The following KDM7A variants were observed in gnomAD, a reference collection of about 807,000 sequenced individuals.
KDM7A encodes the protein lysine-specific demethylase 7A.
KDM7A carries 28 observed loss-of-function variants against 114.8 expected under a neutral mutation model. The observed-to-expected ratio is 0.24, with a 90% CI of 0.18 to 0.33. The LOEUF (loss-of-function observed/expected upper bound fraction) is 0.33. Among genes scored for constraint, KDM7A ranks in the 10% least tolerant of loss-of-function variants. The pLI, the probability that KDM7A is intolerant of heterozygous loss-of-function variation, is 1.00. For missense variants in KDM7A, 942 were observed against 1,142.5 expected (o/e 0.82, Z 2.53); for synonymous variants, 423 against 397.8 (o/e 1.06, Z -0.75).
At chr7:140,105,553 T>G (rs6953892) in intron 11 of KDM7A, among the ~76,000 whole-genome samples, 52,671 of 152,004 alleles carry the variant, frequency 0.35, 9,384 homozygotes, top group Middle Eastern at 0.43. Flanking sequence ...AATCATGTGG[T>G]TTTTGTCTTC....
chr7:140,160,371 T>C (rs887464015), intron 1 of KDM7A, among the ~76,000 whole-genome samples: 2 of 152,164 alleles, frequency 1.3e-5, no homozygotes, highest in Non-Finnish European at 2.9e-5. Flanking sequence ...CCTAAGAAGC[T>C]TGTATCAGGG....
chr7:140,108,619 C>A (rs1251420210), intron 11 of KDM7A, among the ~76,000 whole-genome samples: 1 of 152,178 alleles, frequency 6.6e-6, no homozygotes, highest in Non-Finnish European at 1.5e-5. Flanking sequence ...GCTGCCTGAT[C>A]CTTCCTCTGG....
intron 1 of KDM7A, among the ~76,000 whole-genome samples, chr7:140,141,017 T>C (rs1159295943): frequency 2.0e-5 from 3 of 151,952 alleles, no homozygotes; most frequent in Admixed American, 6.6e-5. Context: ...ACCAACAATA[T>C]AAAGCTAAAA....
rs146762038 is a variant in KDM7A at position 140,118,498 on chromosome 7, G to A, written c.1246+615C>T. Among the ~76,000 whole-genome samples the A allele has an allele frequency of 4.9e-3, 742 of 151,802 alleles. 9 individuals carry two copies. Among genetic ancestry groups the A allele is most frequent in the African/African-American group, 0.017 (702 of 41,316 alleles). ...CTCAATGCAACCTCTGCCTCCCGCCGGGTTCAAGCGATTCTTCCTGCCTCA... is the reference window on the plus strand; with the variant it reads ...CTCAATGCAACCTCTGCCTCCCGCCAGGTTCAAGCGATTCTTCCTGCCTCA... On this transcript the variant is annotated intron_variant, in intron 9 of 19. Transcript: ENST00000397560.
At position 140,114,748 on chromosome 7, in the gene KDM7A, G is replaced by A. The variant is rs1271310186; in HGVS notation, c.1247-1166C>T. ...GAGCGTCTCTGCCCGGCCGCCCATCGTCTGAGATGTGGGGAGCGCCTCTGC... is the reference window on the plus strand; with the variant it reads ...GAGCGTCTCTGCCCGGCCGCCCATCATCTGAGATGTGGGGAGCGCCTCTGC... On this transcript the variant is annotated intron_variant, in intron 9 of 19. Coordinates refer to ENST00000397560, the MANE Select transcript of KDM7A (RefSeq NM_030647.2). Among the ~76,000 whole-genome samples, 31 of 138,268 alleles carry A rather than the reference G, an allele frequency of 2.2e-4. No individual in the cohort carries two copies. In the East Asian group the frequency reaches 4.6e-3, roughly 21 times the overall value. The allele number at this position is 138,268 out of a possible 152,430, so 90.7% of individuals were successfully genotyped here.
At position 140,091,019 on chromosome 7, in the gene KDM7A, G is replaced by C; in HGVS notation, c.*75C>G. On this transcript the variant is annotated 3_prime_UTR_variant, in exon 20 of 20. Coordinates refer to ENST00000397560, the MANE Select transcript of KDM7A (RefSeq NM_030647.2). ...TACACACAAACTGCTCCAGGCAGGG[G>C]GACAGCGGAAGCTCCAGGCTCCTGC... 2.0e-6 allele frequency: 2 copies of C among 1,018,336 alleles called. No homozygotes were observed. The highest frequency in any genetic ancestry group is 1.3e-5 in the South Asian group (1 of 78,566). 63.1% of individuals were successfully genotyped at this position (1,018,336 alleles called of 1,614,324 possible).
chr7:140,152,366 T>C lies in KDM7A; in HGVS notation c.195-13176A>G, dbSNP rs146096607. 5.2e-3 allele frequency among the ~76,000 whole-genome samples: 796 copies of C among 152,256 alleles called. 9 individuals carry two copies. Among genetic ancestry groups the C allele is most frequent in the African/African-American group, 0.017 (706 of 41,546 alleles). ...ATGGCCAGAAGTGGTGGCCCACACC[T>C]GGAATCCTAGCACTCTGGGAGGCCA... is the stretch of plus-strand genomic sequence containing the variant. On this transcript the variant is annotated intron_variant, in intron 1 of 19. Coordinates refer to ENST00000397560, the MANE Select transcript of KDM7A (RefSeq NM_030647.2).
chr7:140,086,569 G>C lies in KDM7A; in HGVS notation c.*4525C>G, dbSNP rs1562941422. 6.6e-6 allele frequency: 1 copy of C among 152,136 alleles called. No homozygotes were observed. The highest frequency in any genetic ancestry group is 2.4e-5 in the African/African-American group (1 of 41,426). 9.4% of individuals were successfully genotyped at this position (152,136 alleles called of 1,614,324 possible). A position where few individuals can be genotyped will look rare whatever the true frequency, so the allele number is the denominator to read the frequency against. On this transcript the variant is annotated 3_prime_UTR_variant, in exon 20 of 20. Transcript: ENST00000397560. ...GCTTCTAGGAAGGCTACAGTATTAA[G>C]ATTACATTACGTTCAACAGCAACAG...
chr7:140,175,378 C>G (rs556688843), intron 1 of KDM7A, among the ~76,000 whole-genome samples: 2 of 152,198 alleles, frequency 1.3e-5, no homozygotes, highest in East Asian at 3.9e-4. Context: ...AGGGGGGGAG[C>G]GGAGGCTGTA....
intron 1 of KDM7A, among the ~76,000 whole-genome samples, chr7:140,145,882 T>A (rs1794334375): frequency 6.6e-6 from 1 of 152,026 alleles, no homozygotes; most frequent in Non-Finnish European, 1.5e-5. Context: ...GATACATAAA[T>A]CAGAATGACT....
rs374656977 is a variant in KDM7A at position 140,087,107 on chromosome 7, T to G, written c.*3987A>C. ...GGTTTCTTTCTACCAAGCAAACTGT[T>G]GGTACCCAACCCAGAGCTGTCTTTG... On this transcript the variant is annotated 3_prime_UTR_variant, in exon 20 of 20. Coordinates refer to ENST00000397560, the MANE Select transcript of KDM7A (RefSeq NM_030647.2). 117 of 152,332 alleles carry G rather than the reference T, an allele frequency of 7.7e-4. No homozygotes were observed. Among genetic ancestry groups the G allele is most frequent in the African/African-American group, 2.6e-3 (108 of 41,574 alleles). The allele number at this position is 152,332 out of a possible 1,614,324, so 9.4% of individuals were successfully genotyped here.
At chr7:140,109,541 C>T (rs977985580) in intron 11 of KDM7A, among the ~76,000 whole-genome samples, 12 of 152,330 alleles carry the variant, frequency 7.9e-5, no homozygotes, top group Admixed American at 5.2e-4. Flanking sequence ...CTGCTATAAA[C>T]GTAGGTGTAC....
rs750606455 is a variant in KDM7A at position 140,099,880 on chromosome 7, T to G, written c.1763+19A>C. ...CAATGAAAATTAATCTATTTGATAC[T>G]CTGATTTACTTTACATACTTAATTA... On this transcript the variant is annotated intron_variant, in intron 13 of 19. Coordinates refer to ENST00000397560, the MANE Select transcript of KDM7A (RefSeq NM_030647.2). The G allele has an allele frequency of 6.0e-5, 96 of 1,602,270 alleles. No individual in the cohort carries two copies. In the South Asian group the frequency reaches 1.0e-3, roughly 17 times the overall value.
intron 11 of KDM7A, 92 bp downstream of exon 11, chr7:140,111,003 A>T (rs777487030): frequency 1.8e-5 from 13 of 707,374 alleles, no homozygotes; most frequent in Non-Finnish European, 2.8e-5. Context: ...AGTGTGTAAG[A>T]GTTTTTAAAT....
At chr7:140,137,942 G>C (rs1818896847) in intron 2 of KDM7A, among the ~76,000 whole-genome samples, 1 of 147,732 alleles carries the variant, frequency 6.8e-6, no homozygotes, top group Non-Finnish European at 1.5e-5. Context: ...GGTACATTCA[G>C]GCAAAGGTTT....
chr7:140,098,298 A>G (rs951204430), intron 14 of KDM7A, among the ~76,000 whole-genome samples: 1 of 152,242 alleles, frequency 6.6e-6, no homozygotes, highest in African/African-American at 2.4e-5. Flanking sequence ...AATAGAAAGG[A>G]ATACAGAGAT....
At chr7:140,157,882 T>C (rs1037457440) in intron 1 of KDM7A, among the ~76,000 whole-genome samples, 16 of 151,142 alleles carry the variant, frequency 1.1e-4, no homozygotes, top group African/African-American at 3.7e-4. Flanking sequence ...GACAGAAGAA[T>C]TGCTTGAACC....
chr7:140,102,946 A>C (rs550123317), intron 11 of KDM7A, among the ~76,000 whole-genome samples: 1 of 152,142 alleles, frequency 6.6e-6, no homozygotes, highest in African/African-American at 2.4e-5. Flanking sequence ...CACTTGCAAC[A>C]TTTTTTTACT....
In KDM7A at chr7:140,115,201, C is replaced by A. The variant is rs889353974; in HGVS notation, c.1247-1619G>T. Among the ~76,000 whole-genome samples the A allele has an allele frequency of 2.1e-4, 32 of 151,344 alleles. 2 individuals are homozygous for A. The highest frequency in any genetic ancestry group is 2.0e-3 in the East Asian group (10 of 5,022). On this transcript the variant is annotated intron_variant, in intron 9 of 19. Coordinates refer to ENST00000397560, the MANE Select transcript of KDM7A (RefSeq NM_030647.2). ...GGGGCAGCCCCCACCCAGCCAGCCG[C>A]CCCGTCCGGGAGGTAGGGGGCGCCT...
Sources: allele counts gnomAD v4.1 joint callset (sites outside exome capture counted in the v4.1 genomes callset), GRCh38; gene constraint gnomAD v4.1.1; transcripts MANE v1.5; gene names NCBI Gene and HGNC (gene_info 2026-07-23, HGNC 2026-07-21).